The following PCDHGB7 variants were observed in gnomAD, a reference collection of about 807,000 sequenced individuals.
PCDHGB7 encodes the protein protocadherin gamma-B7.
Under a neutral mutation model 61.4 loss-of-function variants are expected in PCDHGB7, and 37 were observed. The observed-to-expected ratio is 0.60, with a 90% confidence interval of 0.46 to 0.79. PCDHGB7 has a LOEUF of 0.79. Ranked by LOEUF, PCDHGB7 falls within the 30% of genes least tolerant of loss-of-function variation. The probability of loss-of-function intolerance (pLI) is 0.00; values close to 1 mark genes in which losing one functional copy is unlikely to be tolerated. For missense variants in PCDHGB7, 1,166 were observed against 1,202.5 expected (o/e 0.97, Z 0.45); for synonymous variants, 464 against 503.5 (o/e 0.92, Z 1.05).
chr5:141,489,151 AAG>A lies in PCDHGB7; in HGVS notation c.2416-5652_2416-5651del. ...TTTTTAAGAGGCTGGAAGGAGACAT[AAG>A]AGACTTCAGCTGCTGCATTCCAAGC... On this transcript the variant is annotated intron_variant, in intron 1 of 3. Coordinates refer to ENST00000398594, the MANE Select transcript of PCDHGB7 (RefSeq NM_018927.4). The surrounding 1 kb of genome is among the most constrained non-coding windows in gnomAD (Gnocchi z 4.5). The A allele has an allele frequency of 1.1e-6, 1 of 932,970 alleles. No homozygotes were observed. The highest frequency in any genetic ancestry group is 1.6e-6 in the Non-Finnish European group (1 of 622,054). 57.8% of individuals were successfully genotyped at this position (932,970 alleles called of 1,614,324 possible).
intron 1 of PCDHGB7, chr5:141,423,256 G>T (rs751894091): frequency 1.4e-5 from 22 of 1,613,816 alleles, no homozygotes; most frequent in Middle Eastern, 1.6e-4. Flanking sequence ...GGCGGACCTC[G>T]GCAGCCTCGA....
At chr5:141,478,497 C>T in intron 1 of PCDHGB7, 1 of 1,612,820 alleles carries the variant, frequency 6.2e-7, no homozygotes, top group Non-Finnish European at 8.5e-7. Context: ...AGCTGTGATC[C>T]GGTGTTCTAT....
Position 141,418,867 on chromosome 5 carries a change from A to T in PCDHGB7, c.1008A>T (p.Glu336Asp). The part of the protein sequence containing the change: ...SLSTRCKVIV[E>D]VVDENDNSPE... ...CAACACGGTGTAAAGTAATTGTAGA[A>T]GTTGTAGACGAAAACGACAACAGCC... Residue 336 changes from glutamate to aspartate, a missense_variant, in exon 1 of 4, where the codon GAA becomes GAT. By Grantham distance (45) the Glu-to-Asp change is conservative. Coordinates refer to ENST00000398594, the MANE Select transcript of PCDHGB7 (RefSeq NM_018927.4). 6.2e-7 allele frequency: 1 copy of T among 1,613,968 alleles called. No individual in the cohort carries two copies. The highest frequency in any genetic ancestry group is 8.5e-7 in the Non-Finnish European group (1 of 1,179,848).
chr5:141,507,736 G>A (rs1562231670), intron 3 of PCDHGB7, among the ~76,000 whole-genome samples: 1 of 152,240 alleles, frequency 6.6e-6, no homozygotes. Flanking sequence ...CATGCAGCTC[G>A]TTCCCCTGTC....
chr5:141,423,757 G>GGC, intron 1 of PCDHGB7: 1 of 395,122 alleles, frequency 2.5e-6, no homozygotes, highest in East Asian at 1.5e-4. Context: ...GTTTGGGGGG[G>GGC]GGGTGGGGCG....
intron 1 of PCDHGB7, among the ~76,000 whole-genome samples, chr5:141,472,935 A>G (rs1593400204): frequency 6.6e-6 from 1 of 150,778 alleles, no homozygotes; most frequent in East Asian, 1.9e-4. Context: ...GTGGTGAGCC[A>G]AGATTATGCC....
intron 1 of PCDHGB7, chr5:141,423,463 G>C (rs772779471): frequency 1.2e-6 from 2 of 1,613,874 alleles, no homozygotes; most frequent in South Asian, 2.2e-5. Context: ...AGGCGTGGAC[G>C]GGGTACAGGC....
chr5:141,495,041 G>A, intron 2 of PCDHGB7, 176 bp downstream of exon 2: 1 of 942,350 alleles, frequency 1.1e-6, no homozygotes, highest in Non-Finnish European at 1.3e-6. Flanking sequence ...AGGAAGAGGC[G>A]ACTGCCCTGA....
chr5:141,501,897 C>T (rs796164763), intron 2 of PCDHGB7, among the ~76,000 whole-genome samples: 17 of 152,230 alleles, frequency 1.1e-4, no homozygotes, highest in African/African-American at 3.4e-4. Flanking sequence ...ATCATGGTTC[C>T]AACCCCACTG....
In PCDHGB7 at chr5:141,489,353, A is replaced by G. The variant is rs1423278514; in HGVS notation, c.2416-5454A>G. 3.7e-6 allele frequency: 6 copies of G among 1,612,316 alleles called. No homozygotes were observed. In the African/African-American group the frequency reaches 6.7e-5, roughly 18 times the overall value. ...CAGCTTCGTTACTCAGTGGTGGAGG[A>G]GTCTGAGCCGGGGACGCTGGTGGGG... On this transcript the variant is annotated intron_variant, in intron 1 of 3. Transcript: ENST00000398594. This position sits in a 1 kb window ranked among gnomAD's most constrained non-coding sequence, Gnocchi z 4.5.
At chr5:141,492,755 C>T (rs938918009) in intron 1 of PCDHGB7, among the ~76,000 whole-genome samples, 3 of 152,262 alleles carry the variant, frequency 2.0e-5, no homozygotes, top group African/African-American at 7.2e-5. Flanking sequence ...CGCGGCAGGG[C>T]TCCGCGTTGG....
In PCDHGB7 at chr5:141,431,357, C is replaced by G. The variant is rs762220618; in HGVS notation, c.2415+11083C>G. 1.9e-5 allele frequency: 31 copies of G among 1,613,926 alleles called. No homozygotes were observed. Among genetic ancestry groups the G allele is most frequent in the Non-Finnish European group, 2.2e-5 (26 of 1,180,046 alleles). On this transcript the variant is annotated intron_variant, in intron 1 of 3. Coordinates refer to ENST00000398594, the MANE Select transcript of PCDHGB7 (RefSeq NM_018927.4). The surrounding 1 kb of genome is among the most constrained non-coding windows in gnomAD (Gnocchi z 4.8). ...CCCCGAATTGGTGCTGAAACGCGCC[C>G]TGGACCGCGAAGAAAAGGCTGCTCA...
chr5:141,432,266 T>G lies in PCDHGB7; in HGVS notation c.2415+11992T>G. ...CACCATCCAAGGGGCAAGCCTATCG[T>G]CCTACGTGTCCATCAACTCCGACAC... On this transcript the variant is annotated intron_variant, in intron 1 of 3. Transcript: ENST00000398594. This position sits in a 1 kb window ranked among gnomAD's most constrained non-coding sequence, Gnocchi z 6.0. The G allele has an allele frequency of 6.2e-7, 1 of 1,614,214 alleles. No individual in the cohort carries two copies. Among genetic ancestry groups the G allele is most frequent in the East Asian group, 2.2e-5 (1 of 44,880 alleles).
At chr5:141,445,294 T>G (rs1012635904) in intron 1 of PCDHGB7, among the ~76,000 whole-genome samples, 2 of 152,238 alleles carry the variant, frequency 1.3e-5, no homozygotes. Flanking sequence ...CAGGCTTCCA[T>G]TCTCTTCAGT....
At position 141,432,716 on chromosome 5, in the gene PCDHGB7, C is replaced by A; in HGVS notation, c.2415+12442C>A. 6.2e-7 allele frequency: 1 copy of A among 1,614,030 alleles called. No individual in the cohort carries two copies. The highest frequency in any genetic ancestry group is 1.1e-5 in the South Asian group (1 of 91,084). ...GGCCGTCCAGGACCACGGCCAGCCC[C>A]CTCTCTCCGCCACTGTCACGCTCAC... On this transcript the variant is annotated intron_variant, in intron 1 of 3. Transcript: ENST00000398594. This position sits in a 1 kb window ranked among gnomAD's most constrained non-coding sequence, Gnocchi z 6.0.
At chr5:141,421,776 G>A in intron 1 of PCDHGB7, 5 of 1,613,876 alleles carry the variant, frequency 3.1e-6, no homozygotes, top group Non-Finnish European at 3.4e-6. Context: ...CCTTGCAACT[G>A]CGGGGCAGAA....
At chr5:141,440,551 T>C (rs1220901075) in intron 1 of PCDHGB7, 2 of 152,350 alleles carry the variant, frequency 1.3e-5, no homozygotes, top group East Asian at 1.9e-4. Context: ...GCAGGAATGT[T>C]ATTAAGTTAC....
At chr5:141,449,538 G>A (rs1445815017) in intron 1 of PCDHGB7, among the ~76,000 whole-genome samples, 15 of 145,960 alleles carry the variant, frequency 1.0e-4, no homozygotes, top group East Asian at 4.0e-4. Flanking sequence ...GCAGTGAGCC[G>A]AGATCGCACC....
At chr5:141,474,892 A>G (rs1419975508) in intron 1 of PCDHGB7, among the ~76,000 whole-genome samples, 1 of 152,208 alleles carries the variant, frequency 6.6e-6, no homozygotes, top group Non-Finnish European at 1.5e-5. Context: ...TTAGAGGTTC[A>G]TTTCTTGTTC....
Sources: allele counts gnomAD v4.1 joint callset (sites outside exome capture counted in the v4.1 genomes callset), GRCh38; gene constraint gnomAD v4.1.1; non-coding constraint Gnocchi (gnomAD v3.1); transcripts MANE v1.5; gene names NCBI Gene and HGNC (gene_info 2026-07-23, HGNC 2026-07-21).